BMPR1B: variants seen among roughly 807,000 people sequenced by gnomAD.
The protein encoded by BMPR1B is bone morphogenetic protein receptor type 1B, also known as bone morphogenetic protein receptor type-1B.
A neutral mutation model predicts 59.1 loss-of-function variants in BMPR1B; 12 were observed. That is an observed-to-expected ratio of 0.20 (90% confidence interval 0.13 to 0.33). The LOEUF (loss-of-function observed/expected upper bound fraction) is 0.33, where lower values mean the gene tolerates loss of function less well. Among genes scored for constraint, BMPR1B ranks in the 10% least tolerant of loss-of-function variants. The pLI, the probability that BMPR1B is intolerant of heterozygous loss-of-function variation, is 1.00. For synonymous variants in BMPR1B, 237 were observed against 207.3 expected, an observed-to-expected ratio of 1.14 and a Z score of -1.23; for missense variants, 550 against 610.9, an observed-to-expected ratio of 0.90 and a Z score of 1.05.
At chr4:95,025,371 A>T (rs1724282221) in intron 3 of BMPR1B, among the ~76,000 whole-genome samples, 1 of 152,086 alleles carries the variant, frequency 6.6e-6, no homozygotes, top group South Asian at 2.1e-4. Flanking sequence ...TTAGTGGAGA[A>T]CTGTGTCCAT....
intron 3 of BMPR1B, among the ~76,000 whole-genome samples, chr4:95,032,743 AC>A (rs1724968664): frequency 6.6e-6 from 1 of 152,134 alleles, no homozygotes; most frequent in African/African-American, 2.4e-5. Context: ...TGTAGTGTAG[AC>A]CACATTTCAT....
chr4:94,990,737 A>C (rs1721685557), intron 2 of BMPR1B, among the ~76,000 whole-genome samples: 1 of 152,090 alleles, frequency 6.6e-6, no homozygotes. Flanking sequence ...GTACATGTGC[A>C]CAGCATGCAG....
intron 10 of BMPR1B, among the ~76,000 whole-genome samples, chr4:95,139,374 G>T (rs1438931164): frequency 6.6e-6 from 1 of 152,194 alleles, no homozygotes; most frequent in African/African-American, 2.4e-5. Context: ...GGACCCACTG[G>T]AGGAGGCAGT....
intron 6 of BMPR1B, among the ~76,000 whole-genome samples, chr4:95,119,305 G>A (rs1417798880): frequency 6.6e-6 from 1 of 152,136 alleles, no homozygotes; most frequent in African/African-American, 2.4e-5. Flanking sequence ...GTGTTTGGAT[G>A]CTTCTATCTG....
intron 2 of BMPR1B, among the ~76,000 whole-genome samples, chr4:94,913,498 T>A (rs1430503974): frequency 6.6e-6 from 1 of 152,198 alleles, no homozygotes; most frequent in East Asian, 1.9e-4. Context: ...TCTTTGTCAT[T>A]TGATTTAAAT....
chr4:94,775,218 G>A (rs1722324772), intron 1 of BMPR1B, among the ~76,000 whole-genome samples: 2 of 152,144 alleles, frequency 1.3e-5, no homozygotes, highest in Admixed American at 1.3e-4. Context: ...TTCAATAAAT[G>A]TTCACTCTTG....
chr4:95,154,038 T>C (rs756637176), intron 12 of BMPR1B, among the ~76,000 whole-genome samples: 1 of 152,194 alleles, frequency 6.6e-6, no homozygotes, highest in African/African-American at 2.4e-5. Context: ...TGAAGTGAAA[T>C]TGTACTTTTC....
chr4:95,021,044 A>G (rs1365856121), intron 3 of BMPR1B, among the ~76,000 whole-genome samples: 1 of 152,186 alleles, frequency 6.6e-6, no homozygotes, highest in Non-Finnish European at 1.5e-5. Context: ...GATTGCAAAG[A>G]TGCTTGAGAC....
chr4:94,930,282 G>A (rs2149033167), intron 2 of BMPR1B, among the ~76,000 whole-genome samples: 1 of 152,146 alleles, frequency 6.6e-6, no homozygotes, highest in South Asian at 2.1e-4. Context: ...GCATTGCTTA[G>A]ATCTTCTGGT....
chr4:94,820,103 A>G (rs541949277), intron 1 of BMPR1B, among the ~76,000 whole-genome samples: 3 of 152,272 alleles, frequency 2.0e-5, no homozygotes, highest in South Asian at 2.1e-4. Flanking sequence ...CTGGGAGTGC[A>G]TAAGGTTCAG....
At chr4:94,919,278 T>C (rs889442068) in intron 2 of BMPR1B, among the ~76,000 whole-genome samples, 14 of 152,210 alleles carry the variant, frequency 9.2e-5, no homozygotes, top group Admixed American at 2.0e-4. Flanking sequence ...CCTTGTCATA[T>C]AGGATATGGA....
chr4:95,154,942 G>A lies in BMPR1B; in HGVS notation c.*269G>A. The A allele has an allele frequency of 2.4e-6, 1 of 419,732 alleles. No homozygotes were observed. Among genetic ancestry groups the A allele is most frequent in the Admixed American group, 3.8e-5 (1 of 26,382 alleles). 26.0% of individuals were successfully genotyped at this position (419,732 alleles called of 1,614,324 possible). ...ATGATGCATGTTGCTTTCTAAGAAA[G>A]CCCTGTATTTTGTGATTGCCTTTTT... On this transcript the variant is annotated 3_prime_UTR_variant, in exon 13 of 13. Coordinates refer to ENST00000515059, the MANE Select transcript of BMPR1B (RefSeq NM_001203.3).
At chr4:94,951,833 T>A (rs1729950704) in intron 2 of BMPR1B, among the ~76,000 whole-genome samples, 1 of 152,216 alleles carries the variant, frequency 6.6e-6, no homozygotes, top group Non-Finnish European at 1.5e-5. Flanking sequence ...GAAGGAATGG[T>A]ACCAGCTCTT....
intron 11 of BMPR1B, among the ~76,000 whole-genome samples, chr4:95,150,270 AAAG>A (rs1306765425): frequency 3.3e-5 from 5 of 152,310 alleles, no homozygotes; most frequent in Non-Finnish European, 5.9e-5. Context: ...TTCTAAGTGT[AAAG>A]AAGAAGTAAC....
chr4:95,072,070 C>A (rs1306849430), intron 3 of BMPR1B, among the ~76,000 whole-genome samples: 1 of 151,980 alleles, frequency 6.6e-6, no homozygotes, highest in African/African-American at 2.4e-5. Flanking sequence ...AGAAGGCCAG[C>A]AAAGTCAAGA....
chr4:94,836,157 C>T (rs990713978), intron 1 of BMPR1B, among the ~76,000 whole-genome samples: 2 of 149,142 alleles, frequency 1.3e-5, no homozygotes, highest in African/African-American at 5.0e-5. Flanking sequence ...TCCAGTCTGT[C>T]ATTGTTGGAC....
At chr4:94,968,724 G>A (rs1448347520) in intron 2 of BMPR1B, among the ~76,000 whole-genome samples, 1 of 152,154 alleles carries the variant, frequency 6.6e-6, no homozygotes, top group African/African-American at 2.4e-5. Context: ...CTGACTCAAT[G>A]AGAATTTCAG....
At chr4:94,822,007 A>G (rs746458992) in intron 1 of BMPR1B, among the ~76,000 whole-genome samples, 14 of 152,214 alleles carry the variant, frequency 9.2e-5, no homozygotes, top group African/African-American at 1.9e-4. Flanking sequence ...TTGCTCTGCT[A>G]TAACAGAATA....
At chr4:95,127,107 T>G (rs1212095702) in intron 8 of BMPR1B, among the ~76,000 whole-genome samples, 2 of 150,244 alleles carry the variant, frequency 1.3e-5, no homozygotes, top group African/African-American at 4.9e-5. Context: ...GGAATAGTGA[T>G]AATTCTTTAT....
Sources: allele counts gnomAD v4.1 joint callset (sites outside exome capture counted in the v4.1 genomes callset), GRCh38; gene constraint gnomAD v4.1.1; transcripts MANE v1.5; gene names NCBI Gene and HGNC (gene_info 2026-07-23, HGNC 2026-07-21).